The following SLC24A2 variants were observed in gnomAD, a reference collection of about 807,000 sequenced individuals.
SLC24A2 encodes sodium/potassium/calcium exchanger 2.
Under a neutral mutation model 62.0 loss-of-function variants are expected in SLC24A2, and 36 were observed. That is an observed-to-expected ratio of 0.58 (90% CI 0.44 to 0.77). The LOEUF (loss-of-function observed/expected upper bound fraction) is 0.77. Ranked by LOEUF, SLC24A2 falls within the 30% of genes least tolerant of loss-of-function variation. The pLI, the probability that SLC24A2 is intolerant of heterozygous loss-of-function variation, is 0.00. For missense variants in SLC24A2, 846 were observed against 817.9 expected, an observed-to-expected ratio of 1.03 and a Z score of -0.42; for synonymous variants, 358 against 294.0, an observed-to-expected ratio of 1.22 and a Z score of -2.23.
the SLC24A2 span, among the ~76,000 whole-genome samples, chr9:20,093,653 G>A: frequency 1.3e-5 from 2 of 152,124 alleles, no homozygotes; most frequent in African/African-American, 2.4e-5. Context: ...TTGTTTTTCT[G>A]TTTGGATGCT....
upstream of SLC24A2, among the ~76,000 whole-genome samples, chr9:19,792,226 C>T (rs372180201): frequency 6.6e-5 from 10 of 152,248 alleles, no homozygotes; most frequent in African/African-American, 2.2e-4. Flanking sequence ...ACAATTCCAC[C>T]ATTAGAAATT....
In SLC24A2 at chr9:19,541,732, A is replaced by G. The variant is rs1000286112; in HGVS notation, c.1479+8405T>C. Among the ~76,000 whole-genome samples, 112 of 148,622 alleles carry G rather than the reference A, an allele frequency of 7.5e-4. 1 individual carries two copies. Among genetic ancestry groups the G allele is most frequent in the Non-Finnish European group, 1.0e-3 (70 of 67,056 alleles). On this transcript the variant is annotated intron_variant, in intron 8 of 10. Transcript: ENST00000341998. ...GCCTCCTTGAGCTGTGGTGGGCTCCACCCAGTTCGAGCTTCCCGGCTGCTT... is the reference window on the plus strand; with the variant it reads ...GCCTCCTTGAGCTGTGGTGGGCTCCGCCCAGTTCGAGCTTCCCGGCTGCTT...
At chr9:19,619,841 C>T in intron 3 of SLC24A2, 149 bp from the exon 4 acceptor site, 1 of 699,252 alleles carries the variant, frequency 1.4e-6, no homozygotes, top group South Asian at 1.5e-5. Flanking sequence ...CATTTCAAAG[C>T]CCCTGAGGGA....
intron 2 of SLC24A2, among the ~76,000 whole-genome samples, chr9:19,750,363 C>G (rs1412933727): frequency 1.3e-5 from 2 of 151,962 alleles, no homozygotes; most frequent in Non-Finnish European, 2.9e-5. Context: ...CCTCTCCAAA[C>G]CCATTTGTCC....
chr9:20,197,534 T>C, the SLC24A2 span, among the ~76,000 whole-genome samples: 1 of 145,458 alleles, frequency 6.9e-6, no homozygotes, highest in Admixed American at 7.3e-5. Flanking sequence ...CAGGCTAAGG[T>C]GATACTCCCA....
At chr9:19,903,429 AG>A in the SLC24A2 span, among the ~76,000 whole-genome samples, 2 of 152,190 alleles carry the variant, frequency 1.3e-5, no homozygotes, top group African/African-American at 4.8e-5. Context: ...TATCTCCCAA[AG>A]GCTTACCTCC....
chr9:19,789,077 C>T (rs915847397), upstream of SLC24A2, among the ~76,000 whole-genome samples: 6 of 152,144 alleles, frequency 3.9e-5, no homozygotes, highest in Non-Finnish European at 8.8e-5. Flanking sequence ...TGGCGCTGCC[C>T]GGCCCCCGCC....
At chr9:20,177,913 C>T in the SLC24A2 span, among the ~76,000 whole-genome samples, 13 of 152,154 alleles carry the variant, frequency 8.5e-5, no homozygotes, top group African/African-American at 2.6e-4. Context: ...CGAGGGGACA[C>T]GCTCAGTAAG....
chr9:19,650,560 A>G (rs529385205), intron 2 of SLC24A2, among the ~76,000 whole-genome samples: 1 of 152,324 alleles, frequency 6.6e-6, no homozygotes, highest in East Asian at 1.9e-4. Context: ...TGTGATGATT[A>G]GGGAGCAGCT....
intron 3 of SLC24A2, 54 bp downstream of exon 3, chr9:19,622,207 C>A: frequency 6.6e-7 from 1 of 1,514,992 alleles, no homozygotes; most frequent in South Asian, 1.1e-5. Context: ...CCACCCCTGC[C>A]CCACGCTCTC....
At chr9:19,923,291 T>G in the SLC24A2 span, among the ~76,000 whole-genome samples, 1 of 152,218 alleles carries the variant, frequency 6.6e-6, no homozygotes, top group Non-Finnish European at 1.5e-5. Context: ...TTTTAATGTT[T>G]CCTTTAATGC....
chr9:19,560,879 T>TTGTG (rs779469797), intron 7 of SLC24A2, among the ~76,000 whole-genome samples: 10,005 of 136,654 alleles, frequency 0.073, 560 homozygotes, highest in Admixed American at 0.14. Context: ...GTCTTTGCAT[T>TTGTG]TGTGTGTGTG....
At chr9:19,927,141 T>A in the SLC24A2 span, 5 of 151,898 alleles carry the variant, frequency 3.3e-5, no homozygotes, top group Admixed American at 6.6e-5. Flanking sequence ...TGGCAGAGAG[T>A]CCTGGAAGCC....
intron 2 of SLC24A2, among the ~76,000 whole-genome samples, chr9:19,721,803 A>G (rs1365738797): frequency 1.3e-5 from 2 of 152,112 alleles, no homozygotes; most frequent in African/African-American, 2.4e-5. Context: ...TTGCCATATA[A>G]ACTTTATTTC....
chr9:19,633,458 G>A (rs990728495), intron 2 of SLC24A2, among the ~76,000 whole-genome samples: 3 of 152,208 alleles, frequency 2.0e-5, no homozygotes, highest in Admixed American at 2.0e-4. Flanking sequence ...AGTAGCAATT[G>A]ATATGATCAC....
the SLC24A2 span, among the ~76,000 whole-genome samples, chr9:19,988,766 G>T: frequency 2.0e-5 from 3 of 152,130 alleles, no homozygotes; most frequent in Non-Finnish European, 4.4e-5. Context: ...CACATATCAG[G>T]CTCTGAAACA....
intron 2 of SLC24A2, among the ~76,000 whole-genome samples, chr9:19,741,549 T>C (rs1462406114): frequency 6.6e-6 from 1 of 152,184 alleles, no homozygotes; most frequent in Non-Finnish European, 1.5e-5. Context: ...GCCTTTTCTC[T>C]TTGACCCTCC....
chr9:19,963,564 G>T, the SLC24A2 span, among the ~76,000 whole-genome samples: 4,792 of 91,816 alleles, frequency 0.052, no homozygotes, highest in South Asian at 0.068. Flanking sequence ...TGAAGGACAT[G>T]AACAGACACT....
At chr9:19,787,093 G>T in intron 1 of SLC24A2, 74 bp from the exon 2 acceptor site, 1 of 810,216 alleles carries the variant, frequency 1.2e-6, no homozygotes, top group Non-Finnish European at 1.5e-6. Flanking sequence ...TTGCAGATAT[G>T]ATAAAGTCCT....
Sources: allele counts gnomAD v4.1 joint callset (sites outside exome capture counted in the v4.1 genomes callset), GRCh38; gene constraint gnomAD v4.1.1; transcripts MANE v1.5; gene names NCBI Gene and HGNC (gene_info 2026-07-23, HGNC 2026-07-21).